Variants in BICDL2 observed in about 807,000 individuals in gnomAD.
The protein encoded by BICDL2 is BICD family like cargo adaptor 2, also known as BICD family-like cargo adapter 2.
Under a neutral mutation model 56.6 loss-of-function variants are expected in BICDL2, and 62 were observed. The ratio of observed to expected loss-of-function variants is 1.10; its 90% CI spans 0.89 to 1.35. The LOEUF is 1.35. Ranked by LOEUF, BICDL2 falls within the 40% of genes most tolerant of loss-of-function variation. The pLI is 0.00. For synonymous variants in BICDL2, 358 were observed against 319.8 expected, an observed-to-expected ratio of 1.12 and a Z score of -1.27; for missense variants, 808 against 684.5, an observed-to-expected ratio of 1.18 and a Z score of -2.01.
At position 3,029,855 on chromosome 16, in the gene BICDL2, A is replaced by G. The variant is rs1408647407; in HGVS notation, c.763-116T>C. 3 of 893,126 alleles carry G rather than the reference A, an allele frequency of 3.4e-6. No individual in the cohort carries two copies. In the African/African-American group the frequency reaches 5.4e-5, roughly 16 times the overall value. 55.3% of individuals were successfully genotyped at this position (893,126 alleles called of 1,614,324 possible). A position where few individuals can be genotyped will look rare whatever the true frequency, so the allele number is the denominator to read the frequency against. On this transcript the variant is annotated intron_variant, in intron 5 of 9. Transcript: ENST00000572449. ...GGAGAGCCCCGCACCCCAGCGGCCC[A>G]GGCTGTTCCCGTTCCTGGATCGCTG...
At chr16:3,033,728 T>G (rs1210021906) in intron 2 of BICDL2, among the ~76,000 whole-genome samples, 1 of 151,690 alleles carries the variant, frequency 6.6e-6, no homozygotes, top group Non-Finnish European at 1.5e-5. Flanking sequence ...GAGGTTCCAG[T>G]GAGCTATGAT....
At chr16:3,029,463 G>C in intron 6 of BICDL2, 34 bp from the exon 7 acceptor site, 1 of 1,590,948 alleles carries the variant, frequency 6.3e-7, no homozygotes. Context: ...GTGGTGTGGA[G>C]TTTATTGGGG....
At chr16:3,036,851 C>G (rs1463405641) in intron 1 of BICDL2, 43 bp downstream of exon 1, 12 of 305,994 alleles carry the variant, frequency 3.9e-5, no homozygotes, top group Non-Finnish European at 7.6e-5. Flanking sequence ...AGGCCCTCCC[C>G]AGGCTCGAGG....
intron 1 of BICDL2, chr16:3,035,741 C>A (rs761632814): frequency 1.4e-5 from 8 of 559,256 alleles, no homozygotes; most frequent in Middle Eastern, 4.7e-4. Context: ...ACCTGCCCAG[C>A]CTTTGGCCTC....
At chr16:3,036,374 AG>A (rs1197309971) in intron 1 of BICDL2, 2 of 449,184 alleles carry the variant, frequency 4.5e-6, no homozygotes, top group South Asian at 3.1e-5. Context: ...AGGGCGGCTC[AG>A]GGGCTGGGGT....
intron 2 of BICDL2, among the ~76,000 whole-genome samples, chr16:3,034,564 G>C (rs1955700947): frequency 6.6e-6 from 1 of 152,104 alleles, no homozygotes; most frequent in South Asian, 2.1e-4. Flanking sequence ...TTACAGGTGT[G>C]AGCCACCATG....
chr16:3,029,367 G>T lies in BICDL2; in HGVS notation c.1020C>A (p.Ile340=), dbSNP rs1439719571. Residue 340 remains isoleucine, a synonymous_variant, in exon 7 of 10, where the codon ATC becomes ATA. Transcript: ENST00000572449. ...ATGTTCGCTTCTTGGGGGGCTCTAA[G>T]ATCTCTTCCGGGGGTGAAGGCTGGG... ...SSPQPSPPEE[I]LEPPKKRTSL... is the part of the protein sequence containing the mutation. The T allele has an allele frequency of 1.2e-6, 2 of 1,608,534 alleles. No individual in the cohort carries two copies. The highest frequency in any genetic ancestry group is 1.7e-6 in the Non-Finnish European group (2 of 1,178,458).
At chr16:3,030,886 G>A (rs746158936) in intron 3 of BICDL2, 49 bp downstream of exon 3, 14 of 1,546,750 alleles carry the variant, frequency 9.1e-6, no homozygotes, top group Non-Finnish European at 1.2e-5. Context: ...TGGGGACCCA[G>A]GCATCCTCCC....
At chr16:3,029,141 G>T in intron 7 of BICDL2, 139 bp downstream of exon 7, 1 of 1,096,056 alleles carries the variant, frequency 9.1e-7, no homozygotes, top group Non-Finnish European at 1.3e-6. Flanking sequence ...ATACAGGCTG[G>T]CTCTTGAAGT....
Position 3,030,459 on chromosome 16 carries a change from TGCTCCCGCC to T in BICDL2, c.743_751del (p.Arg248_Glu250del), listed in dbSNP as rs759909892. ...AGCCCTGCAGGTCACCTCCAGGCTG[TGCTCCCGCC>T]GCTCCCGCCTCAGCAGCAGCAACTC... On this transcript the variant is annotated inframe_deletion, in exon 5 of 10. Transcript: ENST00000572449. 6.3e-5 allele frequency: 101 copies of T among 1,593,898 alleles called. No homozygotes were observed. In the African/African-American group the frequency reaches 1.2e-3, roughly 19 times the overall value.
At chr16:3,028,941 C>T (rs984845333) in intron 7 of BICDL2, 111 bp from the exon 8 acceptor site, 8 of 1,357,932 alleles carry the variant, frequency 5.9e-6, no homozygotes, top group African/African-American at 2.9e-5. Flanking sequence ...GCGACAGACA[C>T]CCCAGGCAGC....
In BICDL2 at chr16:3,028,802, G is replaced by A. The variant is rs1350436686; in HGVS notation, c.1136C>T (p.Ser379Phe). Residue 379 changes from serine to phenylalanine, a missense_variant, in exon 8 of 10, where the codon TCC (serine) becomes TTC (phenylalanine). Ser to Phe is a radical substitution (Grantham distance 155). Coordinates refer to ENST00000572449, the MANE Select transcript of BICDL2 (RefSeq NM_001369667.1). ...CTGCCTCTGCAGCTCTTCCCGCAGGGACTGCAGCTCTGCCTGCTGCAGCGA... is the reference window on the plus strand; with the variant it reads ...CTGCCTCTGCAGCTCTTCCCGCAGGAACTGCAGCTCTGCCTGCTGCAGCGA... ...EISLQQAELQ[S>F]LREELQRQKE... 5.1e-6 allele frequency: 8 copies of A among 1,554,794 alleles called. No individual in the cohort carries two copies. The South Asian group carries it at 8.3e-5, about 16-fold the overall frequency.
At chr16:3,029,766 G>A in intron 5 of BICDL2, 27 bp from the exon 6 acceptor site, 3 of 1,452,724 alleles carry the variant, frequency 2.1e-6, no homozygotes, top group Non-Finnish European at 2.7e-6. Flanking sequence ...AGACGGAAGC[G>A]CGGGCGGTCA....
At chr16:3,033,673 T>A (rs1374033327) in intron 2 of BICDL2, among the ~76,000 whole-genome samples, 1 of 151,984 alleles carries the variant, frequency 6.6e-6, no homozygotes, top group Non-Finnish European at 1.5e-5. Context: ...TAGTCCCAAC[T>A]ACTCAGGAGG....
Position 3,029,569 on chromosome 16 carries a change from G to GA in BICDL2, c.932_933insT (p.Ala312ArgfsTer58). 6 of 1,545,880 alleles carry GA rather than the reference G, an allele frequency of 3.9e-6. No homozygotes were observed. The highest frequency in any genetic ancestry group is 5.2e-6 in the Non-Finnish European group (6 of 1,150,068). On this transcript the variant is annotated frameshift_variant, in exon 6 of 10. Coordinates refer to ENST00000572449, the MANE Select transcript of BICDL2 (RefSeq NM_001369667.1). LOFTEE classifies it high-confidence loss of function. The stretch of plus-strand genomic sequence containing the variant: ...CCGGGGTGTCTCCGGGTGCGTCGGC[G>GA]CCCTGGCCCTGGTCGCCGTCGTCGA...
chr16:3,035,130 G>T, intron 2 of BICDL2, 85 bp downstream of exon 2: 3 of 1,261,582 alleles, frequency 2.4e-6, no homozygotes, highest in Non-Finnish European at 2.2e-6. Flanking sequence ...TCCTTCCCTT[G>T]CCTGACTCCC....
chr16:3,028,171 A>G lies in BICDL2; in HGVS notation c.1462T>C (p.Phe488Leu). Residue 488 changes from phenylalanine to leucine, a missense_variant, in exon 10 of 10, where the codon TTC becomes CTC. Coordinates refer to ENST00000572449, the MANE Select transcript of BICDL2 (RefSeq NM_001369667.1). ...GGCCCGGGGCCCAGGCGCAGCGAGA[A>G]GCGGGGCGCGGCACGGCGCGGGGTC... ...SSTPRRAAPR[F>L]SLRLGPGPAG... 1.4e-6 allele frequency: 2 copies of G among 1,451,508 alleles called. No individual in the cohort carries two copies. Among genetic ancestry groups the G allele is most frequent in the South Asian group, 3.0e-5 (2 of 67,572 alleles). The allele number at this position is 1,451,508 out of a possible 1,614,324, so 89.9% of individuals were successfully genotyped here. A position where few individuals can be genotyped will look rare whatever the true frequency, so the allele number is the denominator to read the frequency against.
intron 1 of BICDL2, chr16:3,036,215 C>A (rs781148211): frequency 6.6e-6 from 3 of 452,938 alleles, no homozygotes; most frequent in South Asian, 4.7e-5. Flanking sequence ...GGAGCCCTGA[C>A]CCTCAGCCCC....
Position 3,027,948 on chromosome 16 carries a change from C to G in BICDL2, c.*158G>C. Reference sequence around the variant, plus strand: ...CTGCCCCACAAAGCTGGCCCCTGCTCCGGATGAGCCCCTGCTCCCGATGAG... The same window carrying G: ...CTGCCCCACAAAGCTGGCCCCTGCTGCGGATGAGCCCCTGCTCCCGATGAG... On this transcript the variant is annotated 3_prime_UTR_variant, in exon 10 of 10. Transcript: ENST00000572449. 1 of 1,159,020 alleles carries G rather than the reference C, an allele frequency of 8.6e-7. No homozygotes were observed. Among genetic ancestry groups the G allele is most frequent in the Non-Finnish European group, 1.1e-6 (1 of 869,638 alleles). The allele number at this position is 1,159,020 out of a possible 1,614,324, so 71.8% of individuals were successfully genotyped here. A position where few individuals can be genotyped will look rare whatever the true frequency, so the allele number is the denominator to read the frequency against.
Sources: allele counts gnomAD v4.1 joint callset (sites outside exome capture counted in the v4.1 genomes callset), GRCh38; gene constraint gnomAD v4.1.1; transcripts MANE v1.5; gene names NCBI Gene and HGNC (gene_info 2026-07-23, HGNC 2026-07-21).